The following PRR5L variants were observed in gnomAD, a reference collection of about 807,000 sequenced individuals.
PRR5L encodes the protein proline-rich protein 5-like.
In PRR5L, 21 loss-of-function variants were observed where a neutral mutation model predicts 36.4. The ratio of observed to expected loss-of-function variants is 0.58; its 90% CI spans 0.41 to 0.83. The LOEUF (loss-of-function observed/expected upper bound fraction) is 0.83, where lower values mean the gene tolerates loss of function less well. Ranked by LOEUF, PRR5L falls within the 40% of genes least tolerant of loss-of-function variation. PRR5L has a pLI of 0.00. For synonymous variants in PRR5L, 188 were observed against 197.0 expected (o/e 0.95, Z 0.38); for missense variants, 381 against 473.3 (o/e 0.80, Z 1.81).
intron 1 of PRR5L, among the ~76,000 whole-genome samples, chr11:36,352,567 GCC>G (rs1856986672): frequency 1.3e-5 from 2 of 152,132 alleles, no homozygotes; most frequent in Non-Finnish European, 2.9e-5. Context: ...TAAACAACTT[GCC>G]TACAGGAGTA....
intron 3 of PRR5L, among the ~76,000 whole-genome samples, chr11:36,408,378 A>G (rs1278313849): frequency 6.6e-6 from 1 of 151,546 alleles, no homozygotes; most frequent in Non-Finnish European, 1.5e-5. Flanking sequence ...TGATATGAAA[A>G]CCATAAATCA....
At chr11:36,340,366 C>G (rs1487948216) in intron 1 of PRR5L, among the ~76,000 whole-genome samples, 1 of 152,210 alleles carries the variant, frequency 6.6e-6, no homozygotes, top group African/African-American at 2.4e-5. Flanking sequence ...AGTCCCTCCT[C>G]CCTATGACTT....
intron 1 of PRR5L, among the ~76,000 whole-genome samples, chr11:36,384,938 T>C (rs1350184565): frequency 1.3e-5 from 2 of 152,042 alleles, no homozygotes; most frequent in African/African-American, 4.8e-5. Context: ...CCTAAATTGC[T>C]GGGATTATAG....
chr11:36,337,321 T>C (rs12420532), intron 1 of PRR5L, among the ~76,000 whole-genome samples: 7,513 of 152,246 alleles, frequency 0.049, 209 homozygotes, highest in African/African-American at 0.08. Context: ...CCCTTCCGGC[T>C]TCTCCCCTCT....
chr11:36,445,928 T>C (rs769155741), intron 6 of PRR5L, among the ~76,000 whole-genome samples: 7 of 152,206 alleles, frequency 4.6e-5, no homozygotes, highest in Admixed American at 3.9e-4. Context: ...TGTTCAGATA[T>C]ATTATAGATG....
chr11:36,319,677 AT>A (rs1332895664), intron 1 of PRR5L, among the ~76,000 whole-genome samples: 57 of 92,918 alleles, frequency 6.1e-4, no homozygotes, highest in African/African-American at 2.1e-3. Context: ...ACGACACTAA[AT>A]TTCCTTTTTT....
At chr11:36,358,009 A>G (rs1857046683) in intron 1 of PRR5L, among the ~76,000 whole-genome samples, 1 of 152,244 alleles carries the variant, frequency 6.6e-6, no homozygotes, top group Non-Finnish European at 1.5e-5. Flanking sequence ...TTTGTGATTC[A>G]TGGGAGGAAG....
At chr11:36,402,801 A>AT (rs1857825542) in intron 2 of PRR5L, among the ~76,000 whole-genome samples, 1 of 152,236 alleles carries the variant, frequency 6.6e-6, no homozygotes, top group Non-Finnish European at 1.5e-5. Flanking sequence ...ACGAGTGGAC[A>AT]TGTGAGGAGC....
intron 1 of PRR5L, among the ~76,000 whole-genome samples, chr11:36,329,661 A>G (rs543356055): frequency 7.9e-5 from 12 of 152,362 alleles, no homozygotes; most frequent in Non-Finnish European, 1.3e-4. Flanking sequence ...TTGACCATAC[A>G]AACTTTTAAA....
At chr11:36,360,239 T>C (rs1857073125) in intron 1 of PRR5L, among the ~76,000 whole-genome samples, 1 of 152,194 alleles carries the variant, frequency 6.6e-6, no homozygotes, top group African/African-American at 2.4e-5. Flanking sequence ...CTATTATTAG[T>C]GGGATGGTTA....
In PRR5L at chr11:36,410,032, CTG is replaced by C. The variant is rs539428409; in HGVS notation, c.245+6655_245+6656del. Among the ~76,000 whole-genome samples the C allele has an allele frequency of 3.3e-5, 5 of 152,302 alleles. No homozygotes were observed. The South Asian group carries it at 1.0e-3, about 32-fold the overall frequency. On this transcript the variant is annotated intron_variant, in intron 3 of 8. Coordinates refer to ENST00000530639, the MANE Select transcript of PRR5L (RefSeq NM_001160167.2). ...ATGAGGTAAGGGGGGCATTGCCCTTCTGAGGAGCCTAGTTTTGGAGGGATTAA... is the reference window on the plus strand; with the variant it reads ...ATGAGGTAAGGGGGGCATTGCCCTTCAGGAGCCTAGTTTTGGAGGGATTAA...
At chr11:36,386,406 C>T (rs544646598) in intron 1 of PRR5L, 11 of 152,342 alleles carry the variant, frequency 7.2e-5, no homozygotes, top group South Asian at 2.1e-4. Flanking sequence ...GTGAACAAGA[C>T]GGGCAAGATT....
intron 1 of PRR5L, among the ~76,000 whole-genome samples, chr11:36,343,089 C>A (rs531976155): frequency 6.6e-6 from 1 of 152,182 alleles, no homozygotes; most frequent in East Asian, 1.9e-4. Context: ...GAAGGGCTGA[C>A]GATCTCAAAG....
chr11:36,341,755 C>T (rs2133480993), intron 1 of PRR5L, among the ~76,000 whole-genome samples: 1 of 152,316 alleles, frequency 6.6e-6, no homozygotes, highest in Non-Finnish European at 1.5e-5. Context: ...CCTCACAAGA[C>T]AAGAGCTTGA....
At chr11:36,347,683 C>A (rs551756728) in intron 1 of PRR5L, among the ~76,000 whole-genome samples, 1 of 151,932 alleles carries the variant, frequency 6.6e-6, no homozygotes, top group East Asian at 1.9e-4. Flanking sequence ...GGAACTGTTA[C>A]CCATGCTCCA....
intron 4 of PRR5L, among the ~76,000 whole-genome samples, chr11:36,423,702 C>T (rs1310372429): frequency 6.6e-6 from 1 of 152,210 alleles, no homozygotes; most frequent in Non-Finnish European, 1.5e-5. Context: ...GGCCTATCTA[C>T]ACAGGGGGGC....
At chr11:36,342,663 C>T (rs896961940) in intron 1 of PRR5L, among the ~76,000 whole-genome samples, 2 of 152,112 alleles carry the variant, frequency 1.3e-5, no homozygotes, top group Non-Finnish European at 2.9e-5. Context: ...TGAGGTTCAG[C>T]GAGACTTGGA....
chr11:36,373,293 A>T (rs1857216058), intron 1 of PRR5L, among the ~76,000 whole-genome samples: 1 of 152,196 alleles, frequency 6.6e-6, no homozygotes, highest in Admixed American at 6.5e-5. Flanking sequence ...TTCTCCTATG[A>T]AGATTCTGTT....
At chr11:36,349,290 A>AAAG (rs1856902514) in intron 1 of PRR5L, among the ~76,000 whole-genome samples, 1 of 151,454 alleles carries the variant, frequency 6.6e-6, no homozygotes, top group Non-Finnish European at 1.5e-5. Context: ...AAAAAAAAAA[A>AAAG]AAAAAAGAAA....
Sources: allele counts gnomAD v4.1 joint callset (sites outside exome capture counted in the v4.1 genomes callset), GRCh38; gene constraint gnomAD v4.1.1; transcripts MANE v1.5; gene names NCBI Gene and HGNC (gene_info 2026-07-23, HGNC 2026-07-21).